Variants in PPARGC1A observed in about 807,000 individuals in gnomAD.
The protein encoded by PPARGC1A is peroxisome proliferator-activated receptor gamma coactivator 1-alpha.
In PPARGC1A, 25 loss-of-function variants were observed where a neutral mutation model predicts 88.7. That is an observed-to-expected ratio of 0.28 (90% CI 0.21 to 0.39). The LOEUF (loss-of-function observed/expected upper bound fraction) is 0.39, where lower values mean the gene tolerates loss of function less well. Among genes scored for constraint, PPARGC1A ranks in the 10% least tolerant of loss-of-function variants. PPARGC1A has a pLI of 1.00. For synonymous variants in PPARGC1A, 363 were observed against 355.6 expected, an observed-to-expected ratio of 1.02 and a Z score of -0.24; for missense variants, 880 against 968.7, an observed-to-expected ratio of 0.91 and a Z score of 1.22.
the PPARGC1A span, among the ~76,000 whole-genome samples, chr4:24,412,488 G>T: frequency 2.6e-5 from 4 of 151,934 alleles, no homozygotes; most frequent in African/African-American, 9.7e-5. Context: ...TTGTTGTTTT[G>T]CTTTGTTTTG....
chr4:24,312,310 C>T, the PPARGC1A span, among the ~76,000 whole-genome samples: 1 of 152,154 alleles, frequency 6.6e-6, no homozygotes, highest in Non-Finnish European at 1.5e-5. Context: ...GCACTTGTGG[C>T]TTGCCATTCC....
At chr4:24,171,829 A>G in the PPARGC1A span, among the ~76,000 whole-genome samples, 1 of 152,358 alleles carries the variant, frequency 6.6e-6, no homozygotes, top group South Asian at 2.1e-4. Flanking sequence ...TGTGGAAAAC[A>G]CAGTCACCTT....
At chr4:24,358,908 T>C in the PPARGC1A span, among the ~76,000 whole-genome samples, 1 of 152,204 alleles carries the variant, frequency 6.6e-6, no homozygotes, top group Non-Finnish European at 1.5e-5. Flanking sequence ...TTTCCTCATG[T>C]TCCACACCCA....
At chr4:24,043,711 A>G in the PPARGC1A span, among the ~76,000 whole-genome samples, 6 of 152,118 alleles carry the variant, frequency 3.9e-5, no homozygotes, top group Non-Finnish European at 7.4e-5. Context: ...CTAGTTGTAA[A>G]ATGGGGTAAA....
the PPARGC1A span, among the ~76,000 whole-genome samples, chr4:24,442,192 G>A: frequency 6.6e-6 from 1 of 152,106 alleles, no homozygotes; most frequent in Admixed American, 6.5e-5. Context: ...AAGCAGATGA[G>A]TAAACTAAAT....
chr4:24,421,372 G>A, the PPARGC1A span, among the ~76,000 whole-genome samples: 1 of 149,530 alleles, frequency 6.7e-6, no homozygotes, highest in African/African-American at 2.5e-5. Context: ...GTGCAGTGGC[G>A]CGATTTCAGC....
chr4:23,968,197 C>T, the PPARGC1A span, among the ~76,000 whole-genome samples: 15 of 152,188 alleles, frequency 9.9e-5, no homozygotes, highest in African/African-American at 2.7e-4. Flanking sequence ...AAGCCTCAGT[C>T]TCCACATCTG....
chr4:23,853,719 T>C (rs1729710686), intron 2 of PPARGC1A, among the ~76,000 whole-genome samples: 1 of 152,216 alleles, frequency 6.6e-6, no homozygotes, highest in Non-Finnish European at 1.5e-5. Flanking sequence ...TTGATAGGAT[T>C]ATGAGACATT....
the PPARGC1A span, among the ~76,000 whole-genome samples, chr4:24,323,015 T>A: frequency 6.6e-6 from 1 of 152,154 alleles, no homozygotes; most frequent in African/African-American, 2.4e-5. Flanking sequence ...AAAAAACAAT[T>A]TTTTTGAGCA....
At chr4:24,156,419 C>T in the PPARGC1A span, among the ~76,000 whole-genome samples, 2 of 151,792 alleles carry the variant, frequency 1.3e-5, no homozygotes, top group African/African-American at 4.8e-5. Context: ...TTGGTGCCTG[C>T]TCAATTCAAC....
chr4:23,986,872 T>A, the PPARGC1A span, among the ~76,000 whole-genome samples: 3 of 152,050 alleles, frequency 2.0e-5, no homozygotes, highest in Non-Finnish European at 4.4e-5. Flanking sequence ...TACAAACAAA[T>A]CCACAAAATG....
the PPARGC1A span, among the ~76,000 whole-genome samples, chr4:24,429,003 C>T: frequency 6.6e-6 from 1 of 152,074 alleles, no homozygotes; most frequent in African/African-American, 2.4e-5. Context: ...AGATTGCTGC[C>T]GGCACATGAC....
chr4:24,144,584 G>T, the PPARGC1A span, among the ~76,000 whole-genome samples: 1 of 151,756 alleles, frequency 6.6e-6, no homozygotes, highest in Non-Finnish European at 1.5e-5. Context: ...CCTGCTTCTT[G>T]CTCCAGAAAG....
the PPARGC1A span, among the ~76,000 whole-genome samples, chr4:24,267,336 T>G: frequency 1.3e-5 from 2 of 152,158 alleles, no homozygotes; most frequent in African/African-American, 4.8e-5. Context: ...ATAAAAGGCG[T>G]AAGCCCCAGC....
At chr4:24,288,954 G>T in the PPARGC1A span, among the ~76,000 whole-genome samples, 1 of 152,128 alleles carries the variant, frequency 6.6e-6, no homozygotes. Context: ...AGGTGTGGTG[G>T]CTCATGCCTG....
At chr4:24,398,732 G>T in the PPARGC1A span, among the ~76,000 whole-genome samples, 5 of 152,186 alleles carry the variant, frequency 3.3e-5, no homozygotes, top group Non-Finnish European at 7.3e-5. Flanking sequence ...GAAACTGTGG[G>T]ATGCCAGAGG....
chr4:24,454,887 A>T, the PPARGC1A span, among the ~76,000 whole-genome samples: 1 of 145,914 alleles, frequency 6.9e-6, no homozygotes, highest in Non-Finnish European at 1.5e-5. Context: ...ATTTCCATCC[A>T]TGAGTAGATT....
intron 2 of PPARGC1A, among the ~76,000 whole-genome samples, chr4:23,844,506 AATAAT>A (rs1560426958): frequency 5.9e-5 from 1 of 16,830 alleles, no homozygotes; most frequent in African/African-American, 1.7e-4. Flanking sequence ...TATATAATAT[AATAAT>A]ATAATAATCA....
chr4:24,459,215 G>T, the PPARGC1A span, among the ~76,000 whole-genome samples: 336 of 152,118 alleles, frequency 2.2e-3, no homozygotes, highest in African/African-American at 7.6e-3. Context: ...AATTTCAAGG[G>T]GAAACTCCCT....
Sources: allele counts gnomAD v4.1 joint callset (sites outside exome capture counted in the v4.1 genomes callset), GRCh38; gene constraint gnomAD v4.1.1; transcripts MANE v1.5; gene names NCBI Gene and HGNC (gene_info 2026-07-23, HGNC 2026-07-21).